The following ZBTB7C variants were observed in gnomAD, a reference collection of about 807,000 sequenced individuals.
The protein encoded by ZBTB7C is zinc finger and BTB domain containing 7C, also known as zinc finger and BTB domain-containing protein 7C.
In ZBTB7C, 8 loss-of-function variants were observed where a neutral mutation model predicts 25.7. The ratio of observed to expected loss-of-function variants is 0.31; its 90% CI spans 0.18 to 0.56. The LOEUF (loss-of-function observed/expected upper bound fraction) is 0.56. Ranked by LOEUF, ZBTB7C falls within the 20% of genes least tolerant of loss-of-function variation. The probability of loss-of-function intolerance (pLI) is 0.91; values close to 1 mark genes in which losing one functional copy is unlikely to be tolerated. For synonymous variants in ZBTB7C, 394 were observed against 369.0 expected (o/e 1.07, Z -0.78); for missense variants, 824 against 855.2 (o/e 0.96, Z 0.46).
At chr18:48,158,400 G>A (rs1488577349) in intron 3 of ZBTB7C, among the ~76,000 whole-genome samples, 1 of 152,142 alleles carries the variant, frequency 6.6e-6, no homozygotes, top group Non-Finnish European at 1.5e-5. Context: ...CTGGGTCTAG[G>A]AGCCAGGAGT....
chr18:48,206,949 T>C (rs1050142780), intron 2 of ZBTB7C, among the ~76,000 whole-genome samples: 4 of 152,086 alleles, frequency 2.6e-5, no homozygotes, highest in Non-Finnish European at 5.9e-5. Flanking sequence ...AGAGAAGATA[T>C]GTGACAGAGA....
intron 3 of ZBTB7C, among the ~76,000 whole-genome samples, chr18:48,112,281 CT>C (rs901781862): frequency 7.7e-6 from 1 of 129,518 alleles, no homozygotes; most frequent in Non-Finnish European, 1.6e-5. Flanking sequence ...TTTTTTTTGC[CT>C]TCTCTCTCTC....
intron 2 of ZBTB7C, among the ~76,000 whole-genome samples, chr18:48,279,163 A>C (rs114592622): frequency 0.019 from 2,860 of 150,760 alleles, 91 homozygotes; most frequent in African/African-American, 0.066. Flanking sequence ...CGGCACCCCC[A>C]CTCCTCAGAA....
intron 3 of ZBTB7C, among the ~76,000 whole-genome samples, chr18:48,104,958 C>T (rs2038977935): frequency 6.6e-6 from 1 of 152,228 alleles, no homozygotes; most frequent in African/African-American, 2.4e-5. Context: ...GATAATGCCG[C>T]ACTGACCTCT....
chr18:48,390,811 C>T (rs9956187), intron 1 of ZBTB7C, among the ~76,000 whole-genome samples: 39,249 of 152,170 alleles, frequency 0.26, 5,665 homozygotes, highest in African/African-American at 0.37. Context: ...AGAGCCTGGT[C>T]CCCGTGGCGG....
intron 2 of ZBTB7C, among the ~76,000 whole-genome samples, chr18:48,305,303 G>A (rs1021944631): frequency 5.3e-5 from 8 of 152,146 alleles, no homozygotes; most frequent in Non-Finnish European, 8.8e-5. Flanking sequence ...CCAGAGCTAC[G>A]GTTCCAAAAC....
At chr18:48,389,236 C>CTCGTGTGT (rs2047833632) in intron 1 of ZBTB7C, among the ~76,000 whole-genome samples, 1 of 62,368 alleles carries the variant, frequency 1.6e-5, no homozygotes, top group South Asian at 7.2e-4. Flanking sequence ...CTCTCTCTCT[C>CTCGTGTGT]GTGTGTGTGT....
chr18:48,352,890 C>T (rs1320727915), intron 1 of ZBTB7C, among the ~76,000 whole-genome samples: 1 of 152,096 alleles, frequency 6.6e-6, no homozygotes, highest in Non-Finnish European at 1.5e-5. Context: ...TACTCCACCC[C>T]TAGTCCCCCA....
At chr18:48,247,795 T>A (rs2043737993) in intron 2 of ZBTB7C, among the ~76,000 whole-genome samples, 2 of 152,178 alleles carry the variant, frequency 1.3e-5, no homozygotes, top group Admixed American at 1.3e-4. Flanking sequence ...AGATCTGAGG[T>A]CTGCTGGTTT....
intron 1 of ZBTB7C, among the ~76,000 whole-genome samples, chr18:48,406,315 G>A (rs909731608): frequency 7.2e-5 from 11 of 152,170 alleles, no homozygotes; most frequent in African/African-American, 1.2e-4. Flanking sequence ...CCTTCACACC[G>A]CCCCTGCTGG....
At chr18:48,031,921 T>G (rs2035768843) in intron 4 of ZBTB7C, among the ~76,000 whole-genome samples, 1 of 152,108 alleles carries the variant, frequency 6.6e-6, no homozygotes, top group African/African-American at 2.4e-5. Context: ...GTGATGCAAC[T>G]TCCCAGTCCT....
Position 48,040,697 on chromosome 18 carries a change from A to G in ZBTB7C, c.411T>C (p.Asp137=), listed in dbSNP as rs367792737. 6.2e-7 allele frequency: 1 copy of G among 1,612,464 alleles called. No individual in the cohort carries two copies. Residue 137 remains aspartate (D), a synonymous_variant, in exon 4 of 5, where the codon GAT becomes GAC. Coordinates refer to ENST00000590800, the MANE Select transcript of ZBTB7C (RefSeq NM_001318841.2). ...MEPGGDGGEE[D]DKEDDDDDED... is the part of the protein sequence containing the mutation. ...CGTCGTCGTCATCGTCCTCCTTGTC[A>G]TCCTCCTCCCCCCCGTCCCCCCCAG...
chr18:48,280,737 G>A (rs1171111053), intron 2 of ZBTB7C, among the ~76,000 whole-genome samples: 1 of 152,028 alleles, frequency 6.6e-6, no homozygotes, highest in African/African-American at 2.4e-5. Context: ...GAAATCTAGG[G>A]AAAGGACCCA....
At chr18:48,124,874 T>C (rs1849033290) in intron 3 of ZBTB7C, among the ~76,000 whole-genome samples, 1 of 152,132 alleles carries the variant, frequency 6.6e-6, no homozygotes, top group African/African-American at 2.4e-5. Flanking sequence ...ACCTCTCTGC[T>C]CTGAGGACAG....
chr18:48,148,884 T>A (rs1216606708), intron 3 of ZBTB7C: 1 of 152,254 alleles, frequency 6.6e-6, no homozygotes, highest in Non-Finnish European at 1.5e-5. Context: ...TTACCTTTGA[T>A]CCAAAAGAGG....
chr18:48,225,693 T>C (rs1424406764), intron 2 of ZBTB7C, among the ~76,000 whole-genome samples: 1 of 152,164 alleles, frequency 6.6e-6, no homozygotes, highest in Non-Finnish European at 1.5e-5. Flanking sequence ...CCAGAGGTCT[T>C]GAAACTTCTG....
intron 2 of ZBTB7C, among the ~76,000 whole-genome samples, chr18:48,245,127 G>A (rs2043647320): frequency 9.7e-6 from 1 of 103,142 alleles, no homozygotes; most frequent in Non-Finnish European, 1.9e-5. Flanking sequence ...CACACACCAT[G>A]GAATACTATT....
chr18:48,081,889 T>A (rs1467096225), intron 3 of ZBTB7C, among the ~76,000 whole-genome samples: 1 of 152,182 alleles, frequency 6.6e-6, no homozygotes, highest in East Asian at 1.9e-4. Flanking sequence ...AAGATAGATA[T>A]AGCATTAATA....
intron 2 of ZBTB7C, among the ~76,000 whole-genome samples, chr18:48,250,490 C>A (rs763075463): frequency 1.3e-5 from 2 of 152,164 alleles, no homozygotes; most frequent in Non-Finnish European, 2.9e-5. Context: ...TCAGATGATG[C>A]TAGTTATCAC....
Sources: gnomAD v4.1 joint callset for allele counts (sites outside exome capture counted in the v4.1 genomes callset) on GRCh38, gnomAD v4.1.1 for gene constraint, MANE v1.5 for transcripts, NCBI Gene and HGNC (gene_info 2026-07-23, HGNC 2026-07-21) for gene names.